The following PLXNA1 variants were observed in gnomAD, a reference collection of about 807,000 sequenced individuals.
PLXNA1 encodes the protein plexin A1.
In PLXNA1, 77 loss-of-function variants were observed where a neutral mutation model predicts 191.7. The observed-to-expected ratio is 0.40, with a 90% CI of 0.33 to 0.49. The LOEUF (loss-of-function observed/expected upper bound fraction) is 0.49. PLXNA1 is among the 20% of genes least tolerant of loss of function. PLXNA1 has a pLI of 0.63. For synonymous variants in PLXNA1, 1,137 were observed against 1,156.4 expected (o/e 0.98, Z 0.34); for missense variants, 2,110 against 2,660.2 (o/e 0.79, Z 4.55).
intron 23 of PLXNA1, among the ~76,000 whole-genome samples, chr3:127,025,274 A>G (rs756699102): frequency 5.3e-5 from 8 of 152,160 alleles, no homozygotes; most frequent in Non-Finnish European, 1.0e-4. Context: ...CATTGTCTCC[A>G]TAAGTTATGC....
At chr3:127,025,582 G>A (rs1407125063) in intron 23 of PLXNA1, among the ~76,000 whole-genome samples, 1 of 152,132 alleles carries the variant, frequency 6.6e-6, no homozygotes, top group Non-Finnish European at 1.5e-5. Flanking sequence ...CTGAAACTCT[G>A]TCCCCATTGA....
rs779697902 is a variant in PLXNA1 at position 127,014,482 on chromosome 3, C to G, written c.2609C>G (p.Ser870Cys). 4 of 1,602,056 alleles carry G rather than the reference C, an allele frequency of 2.5e-6. No individual in the cohort carries two copies. Among genetic ancestry groups the G allele is most frequent in the Non-Finnish European group, 3.4e-6 (4 of 1,179,480 alleles). Residue 870 changes from serine (S) to cysteine (C), a missense_variant, in exon 13 of 32, where the codon TCC (serine) becomes TGC (cysteine). Physicochemically the swap from Ser to Cys is moderately radical, Grantham distance 112. Transcript: ENST00000393409. ...CCCAGCCTCTGCCTCCCTCAGCTGT[C>G]CCCCGAGACGGGCCCGAGGCAGGGC... Reference protein sequence around the residue: ...RCTDPKILKLSPETGPRQGGT... With the variant: ...RCTDPKILKLCPETGPRQGGT...
Position 127,034,441 on chromosome 3 carries a change from A to G in PLXNA1, c.*424A>G, listed in dbSNP as rs1440050871. 6.3e-6 allele frequency: 1 copy of G among 158,650 alleles called. No homozygotes were observed. Among genetic ancestry groups the G allele is most frequent in the Non-Finnish European group, 1.4e-5 (1 of 72,528 alleles). The allele number at this position is 158,650 out of a possible 1,614,324, so 9.8% of individuals were successfully genotyped here. ...AGAGGCTGGGGGTGTCAGCATTCCCAGCTTTCCAAGCTGCCCCCAGGCGGC... is the reference window on the plus strand; with the variant it reads ...AGAGGCTGGGGGTGTCAGCATTCCCGGCTTTCCAAGCTGCCCCCAGGCGGC... On this transcript the variant is annotated 3_prime_UTR_variant, in exon 32 of 32. Coordinates refer to ENST00000393409, the MANE Select transcript of PLXNA1 (RefSeq NM_032242.4).
At chr3:127,015,353 T>C in intron 15 of PLXNA1, 33 bp downstream of exon 15, 1 of 1,583,706 alleles carries the variant, frequency 6.3e-7, no homozygotes. Flanking sequence ...GGGGCCTGGC[T>C]GCCCCTCCTC....
At position 127,005,234 on chromosome 3, in the gene PLXNA1, C is replaced by T. The variant is rs759769082; in HGVS notation, c.1888C>T (p.Arg630Trp). 13 of 1,606,502 alleles carry T rather than the reference C, an allele frequency of 8.1e-6. 1 individual carries two copies. The highest frequency in any genetic ancestry group is 7.8e-5 in the South Asian group (7 of 90,058). ...CGCCCGGGAGGTGGCGCCCATCACG[C>T]GGGGCCAGGGTGAGTGGCCCCAACA... Reference protein sequence around the residue: ...PSAREVAPITRGQGDQRVVKL... With the variant: ...PSAREVAPITWGQGDQRVVKL... Residue 630 changes from arginine (R) to tryptophan (W), a missense_variant, in exon 7 of 32, where the codon CGG becomes TGG. Physicochemically the swap from Arg to Trp is moderately radical, Grantham distance 101. This residue lies in a region of PLXNA1 where 903 missense variants were observed against 1,015.7 expected (regional missense o/e 0.89). Coordinates refer to ENST00000393409, the MANE Select transcript of PLXNA1 (RefSeq NM_032242.4).
intron 10 of PLXNA1, among the ~76,000 whole-genome samples, chr3:127,012,746 C>T (rs2079102026): frequency 1.3e-5 from 2 of 152,240 alleles, no homozygotes; most frequent in Non-Finnish European, 1.5e-5. Context: ...AGGTGCAGTG[C>T]GTTCAGTGAC....
intron 23 of PLXNA1, 40 bp downstream of exon 23, chr3:127,022,858 G>C: frequency 6.5e-7 from 1 of 1,533,004 alleles, no homozygotes; most frequent in Non-Finnish European, 9.0e-7. Context: ...AGAGGCAGGT[G>C]AACAGCGGGA....
chr3:126,989,524 C>G lies in PLXNA1; in HGVS notation c.931C>G (p.Leu311Val), dbSNP rs2078978951. 2 of 1,613,262 alleles carry G rather than the reference C, an allele frequency of 1.2e-6. No homozygotes were observed. Among genetic ancestry groups the G allele is most frequent in the African/African-American group, 1.3e-5 (1 of 74,942 alleles). ...GCEQAGVEYR[L>V]VQDAYLSRPG... ...CGAGCAGGCGGGTGTGGAGTACCGCCTGGTGCAGGATGCCTACCTGAGCCG... is the reference window on the plus strand; with the variant it reads ...CGAGCAGGCGGGTGTGGAGTACCGCGTGGTGCAGGATGCCTACCTGAGCCG... Residue 311 changes from leucine to valine, a missense_variant, in exon 2 of 32, where the codon CTG becomes GTG. Coordinates refer to ENST00000393409, the MANE Select transcript of PLXNA1 (RefSeq NM_032242.4).
In PLXNA1 at chr3:127,029,155, G is replaced by A. The variant is rs749225555; in HGVS notation, c.4773+59G>A. 5.3e-4 allele frequency: 700 copies of A among 1,327,674 alleles called. 1 individual carries two copies. Among genetic ancestry groups the A allele is most frequent in the Non-Finnish European group, 6.1e-4 (571 of 930,700 alleles). The allele number at this position is 1,327,674 out of a possible 1,614,324, so 82.2% of individuals were successfully genotyped here. On this transcript the variant is annotated intron_variant, in intron 26 of 31. Transcript: ENST00000393409. The stretch of plus-strand genomic sequence containing the variant: ...TCCCTCCCCTTGGGGCTTCCACAGC[G>A]CAGCCACCAATGTTTGCAGCATGTG...
chr3:127,000,135 C>G (rs1047965872), intron 3 of PLXNA1, among the ~76,000 whole-genome samples: 6 of 151,284 alleles, frequency 4.0e-5, no homozygotes, highest in Non-Finnish European at 1.5e-5. Context: ...GCAGCGCCAG[C>G]TCCTGGTTTG....
chr3:127,004,301 A>C (rs2107626982), intron 4 of PLXNA1, among the ~76,000 whole-genome samples: 1 of 152,336 alleles, frequency 6.6e-6, no homozygotes, highest in South Asian at 2.1e-4. Context: ...TCGCTGGGGA[A>C]GCTCAGAGCT....
chr3:127,018,878 T>A (rs936870602), intron 20 of PLXNA1, among the ~76,000 whole-genome samples: 1 of 152,206 alleles, frequency 6.6e-6, no homozygotes, highest in African/African-American at 2.4e-5. Context: ...GTGCCTACTT[T>A]CCCTGGGTGC....
rs2079156038 is a variant in PLXNA1, at chr3:127,022,338, G to A, written c.4292G>A (p.Arg1431His). The change falls in exon 22 of 32, where the codon CGC becomes CAC. Residue 1431 changes from arginine to histidine, a missense_variant. Around this residue, in one of 4 missense-constraint regions of PLXNA1, gnomAD observed 559 missense variants for 911.5 expected, o/e 0.61. Coordinates refer to ENST00000393409, the MANE Select transcript of PLXNA1 (RefSeq NM_032242.4). ...AAGAACCACCCCAAGCTGCTACTGC[G>A]CCGGTGAGCCTGGGGGGCACTGGGG... The part of the protein sequence containing the change: ...ESKNHPKLLL[R>H]RTESVAEKML... 2.5e-6 allele frequency: 4 copies of A among 1,608,774 alleles called. No homozygotes were observed. The African/African-American group carries it at 4.0e-5, about 16-fold the overall frequency.
intron 1 of PLXNA1, among the ~76,000 whole-genome samples, chr3:126,988,297 C>T (rs1009522796): frequency 2.0e-5 from 3 of 152,204 alleles, no homozygotes; most frequent in Admixed American, 2.0e-4. Flanking sequence ...AACGGAGTGA[C>T]CTCTTGCCAG....
intron 13 of PLXNA1, 22 bp downstream of exon 13, chr3:127,014,651 TGCGGG>T (rs1378630944): frequency 2.0e-6 from 3 of 1,536,650 alleles, no homozygotes; most frequent in Non-Finnish European, 2.7e-6. Flanking sequence ...CCTGGGTGTG[TGCGGG>T]GCGGGACGGG....
chr3:127,012,059 C>G lies in PLXNA1; in HGVS notation c.2214C>G (p.Gly738=), dbSNP rs1297430752. ...AARNLPQPQS[G]QRGYECLFHI... ...GGAACCTGCCACAGCCACAGTCAGG[C>G]CAGCGTGGATATGAGTGCCTCTTCC... is the stretch of plus-strand genomic sequence containing the variant. Residue 738 remains glycine, a synonymous_variant, in exon 10 of 32, where the codon GGC becomes GGG. Coordinates refer to ENST00000393409, the MANE Select transcript of PLXNA1 (RefSeq NM_032242.4). 1.9e-6 allele frequency: 3 copies of G among 1,613,848 alleles called. 1 individual carries two copies. Among genetic ancestry groups the G allele is most frequent in the East Asian group, 2.2e-5 (1 of 44,874 alleles).
intron 9 of PLXNA1, among the ~76,000 whole-genome samples, chr3:127,009,550 TCCCCCCCCAAC>T (rs930314010): frequency 7.2e-6 from 1 of 139,576 alleles, no homozygotes; most frequent in Non-Finnish European, 1.5e-5. Context: ...CCAGTGGCAG[TCCCCCCCCAAC>T]CCCCCCACAA....
intron 8 of PLXNA1, among the ~76,000 whole-genome samples, chr3:127,007,443 C>T (rs891102968): frequency 6.6e-6 from 1 of 152,212 alleles, no homozygotes; most frequent in Non-Finnish European, 1.5e-5. Context: ...AATGAAGTTC[C>T]TTAGTTGCAC....
At chr3:127,032,955 T>A in intron 31 of PLXNA1, 119 bp downstream of exon 31, 1 of 1,099,266 alleles carries the variant, frequency 9.1e-7, no homozygotes, top group Non-Finnish European at 1.3e-6. Flanking sequence ...ACTGACCACC[T>A]TCACTCCTCT....
Sources: gnomAD v4.1 joint callset for allele counts (sites outside exome capture counted in the v4.1 genomes callset) on GRCh38, gnomAD v4.1.1 for gene constraint, gnomAD v4.1.1 regional missense constraint, MANE v1.5 for transcripts, NCBI Gene and HGNC (gene_info 2026-07-23, HGNC 2026-07-21) for gene names.